The following CHRM1 variants were observed in gnomAD, a reference collection of about 807,000 sequenced individuals.
CHRM1 encodes muscarinic acetylcholine receptor M1.
A neutral mutation model predicts 31.6 loss-of-function variants in CHRM1; 5 were observed. That is an observed-to-expected ratio of 0.16 (90% CI 0.08 to 0.33). The LOEUF is 0.33. Among genes scored for constraint, CHRM1 ranks in the 10% least tolerant of loss-of-function variants. CHRM1 has a pLI of 1.00. For missense variants in CHRM1, 338 were observed against 610.3 expected, an observed-to-expected ratio of 0.55 and a Z score of 4.70; for synonymous variants, 227 against 249.7, an observed-to-expected ratio of 0.91 and a Z score of 0.86.
intron 1 of CHRM1, among the ~76,000 whole-genome samples, chr11:62,919,279 T>C (rs961777226): frequency 6.6e-6 from 1 of 152,180 alleles, no homozygotes; most frequent in Non-Finnish European, 1.5e-5. Context: ...ATTTATCACA[T>C]TTTTAAGGCT....
chr11:62,919,543 C>G (rs1273899306), intron 1 of CHRM1, among the ~76,000 whole-genome samples: 1 of 152,192 alleles, frequency 6.6e-6, no homozygotes, highest in African/African-American at 2.4e-5. Flanking sequence ...CCTCATCCTC[C>G]TCTCCGCAAG....
chr11:62,920,067 C>T (rs1004491884), intron 1 of CHRM1, among the ~76,000 whole-genome samples: 3 of 152,224 alleles, frequency 2.0e-5, no homozygotes, highest in Non-Finnish European at 4.4e-5. Context: ...CCTTTCATAT[C>T]TCAGCCGCGA....
chr11:62,919,104 TCTA>T (rs2085917002), intron 1 of CHRM1, among the ~76,000 whole-genome samples: 1 of 151,912 alleles, frequency 6.6e-6, no homozygotes, highest in African/African-American at 2.4e-5. Flanking sequence ...TCTGGCCAGG[TCTA>T]CTCACTGATC....
chr11:62,914,284 A>G (rs1242482082), intron 1 of CHRM1, among the ~76,000 whole-genome samples: 1 of 152,144 alleles, frequency 6.6e-6, no homozygotes, highest in African/African-American at 2.4e-5. Context: ...GAGACTGAGA[A>G]AAGCAAGGGA....
chr11:62,910,686 G>T lies in CHRM1; in HGVS notation c.415C>A (p.Pro139Thr), dbSNP rs149348258. The change falls in exon 2 of 2, where the codon CCC becomes ACC. Residue 139 changes from proline (P) to threonine (T), a missense_variant. By Grantham distance (38) the Pro-to-Thr change is conservative (BLOSUM62 -1). Transcript: ENST00000306960. The surrounding 1 kb of genome is among the most constrained non-coding windows in gnomAD (Gnocchi z 8.7). ...RPLSYRAKRT[P>T]RRAALMIGLA... ...CCGATCATCAGAGCTGCCCGGCGGG[G>T]TGTGCGCTTGGCACGGTAGCTCAGG... The T allele has an allele frequency of 6.2e-7, 1 of 1,614,156 alleles. No homozygotes were observed. The highest frequency in any genetic ancestry group is 8.5e-7 in the Non-Finnish European group (1 of 1,180,028).
At position 62,910,232 on chromosome 11, in the gene CHRM1, G is replaced by A. The variant is rs371062396; in HGVS notation, c.869C>T (p.Ser290Phe). ...GGAGCCAGGCTCCTCTCCCTCTGAG[G>A]ATGTGAGGGACTCCATGGAGCCTTC... ...EDEGSMESLT[S>F]SEGEEPGSEV... The change falls in exon 2 of 2, where the codon TCC (serine) becomes TTC (phenylalanine). Residue 290 changes from serine (S) to phenylalanine (F), a missense_variant. By Grantham distance (155) the Ser-to-Phe change is radical (BLOSUM62 -2). Coordinates refer to ENST00000306960, the MANE Select transcript of CHRM1 (RefSeq NM_000738.3). This position sits in a 1 kb window ranked among gnomAD's most constrained non-coding sequence, Gnocchi z 8.7. 16 of 1,611,950 alleles carry A rather than the reference G, an allele frequency of 9.9e-6. No homozygotes were observed. In the African/African-American group the frequency reaches 2.1e-4, roughly 22 times the overall value.
rs567685848 is a variant in CHRM1 at position 62,913,677 on chromosome 11, A to G, written c.-78-2499T>C. Among the ~76,000 whole-genome samples, 1,430 of 152,056 alleles carry G rather than the reference A, an allele frequency of 9.4e-3. 25 individuals carry two copies. Among genetic ancestry groups the G allele is most frequent in the African/African-American group, 0.032 (1,335 of 41,514 alleles). On this transcript the variant is annotated intron_variant, in intron 1 of 1. Transcript: ENST00000306960. ...CAAGAGTGAAACTCTGTCTCAAAAA[A>G]AAAAAAAAAAAGAAAAGAAATGTCT... is the stretch of plus-strand genomic sequence containing the variant.
intron 1 of CHRM1, among the ~76,000 whole-genome samples, chr11:62,915,590 A>C (rs571579726): frequency 1.3e-5 from 2 of 152,316 alleles, no homozygotes; most frequent in Admixed American, 6.5e-5. Flanking sequence ...TTTGCTCTGA[A>C]GCGAGTGCCT....
intron 1 of CHRM1, among the ~76,000 whole-genome samples, chr11:62,913,535 G>A (rs767148373): frequency 1.3e-5 from 2 of 152,176 alleles, no homozygotes; most frequent in Non-Finnish European, 1.5e-5. Context: ...GCCAGGGGTG[G>A]TGGTACATGG....
In CHRM1 at chr11:62,910,413, T is replaced by C. The variant is rs770505895; in HGVS notation, c.688A>G (p.Thr230Ala). The change falls in exon 2 of 2, where the codon ACG (threonine) becomes GCG (alanine). Residue 230 changes from threonine to alanine, a missense_variant. Physicochemically the swap from Thr to Ala is moderately conservative, Grantham distance 58. Around this residue, in one of 4 missense-constraint regions of CHRM1, gnomAD observed 183 missense variants for 223.4 expected, o/e 0.82. Transcript: ENST00000306960. This position sits in a 1 kb window ranked among gnomAD's most constrained non-coding sequence, Gnocchi z 8.7. ...CTGCTGCCACCCCCTTTGCCTGGCG[T>C]CTCGGAGCCCTGAAGGGCTGCCAGC... ...RELAALQGSE[T>A]PGKGGGSSSS... 6.2e-7 allele frequency: 1 copy of C among 1,612,578 alleles called. No homozygotes were observed. The highest frequency in any genetic ancestry group is 2.2e-5 in the East Asian group (1 of 44,878).
chr11:62,915,174 C>CAAA (rs34590771), intron 1 of CHRM1, among the ~76,000 whole-genome samples: 12 of 22,738 alleles, frequency 5.3e-4, no homozygotes, highest in Non-Finnish European at 6.0e-4. Context: ...GACCCTGTCT[C>CAAA]AAAAAAAAAA....
intron 1 of CHRM1, among the ~76,000 whole-genome samples, chr11:62,915,047 C>T (rs576629431): frequency 6.6e-6 from 1 of 152,044 alleles, no homozygotes; most frequent in African/African-American, 2.4e-5. Context: ...TGGTGGCGGG[C>T]ACCTATGGTC....
intron 1 of CHRM1, among the ~76,000 whole-genome samples, chr11:62,914,224 G>T (rs531793185): frequency 6.6e-6 from 1 of 152,202 alleles, no homozygotes; most frequent in East Asian, 1.9e-4. Context: ...GATTACAGGC[G>T]TGAGCCACCG....
chr11:62,911,978 A>C (rs118112787), intron 1 of CHRM1, among the ~76,000 whole-genome samples: 2 of 152,052 alleles, frequency 1.3e-5, no homozygotes, highest in Non-Finnish European at 2.9e-5. Context: ...GCGGGTTTAC[A>C]TACGTATGTA....
Position 62,914,011 on chromosome 11 carries a change from C to T in CHRM1, c.-78-2833G>A, listed in dbSNP as rs573288729. Among the ~76,000 whole-genome samples the T allele has an allele frequency of 2.6e-5, 4 of 151,660 alleles. No individual in the cohort carries two copies. The South Asian group carries it at 6.2e-4, about 24-fold the overall frequency. On this transcript the variant is annotated intron_variant, in intron 1 of 1. Transcript: ENST00000306960. The stretch of plus-strand genomic sequence containing the variant: ...AGGCTGGAGTGCAGTGGCACAATCT[C>T]GGCTCACTGCAACCTCCGCCTCCGG...
chr11:62,910,247 A>T lies in CHRM1; in HGVS notation c.854T>A (p.Met285Lys). 1 of 1,613,328 alleles carries T rather than the reference A, an allele frequency of 6.2e-7. No homozygotes were observed. The highest frequency in any genetic ancestry group is 2.2e-5 in the East Asian group (1 of 44,858). ...TCCCTCTGAGGATGTGAGGGACTCC[A>T]TGGAGCCTTCGTCCTCTTCCTCTTC... ...KEEEEEDEGS[M>K]ESLTSSEGEE... Residue 285 changes from methionine (M) to lysine (K), a missense_variant, in exon 2 of 2, where the codon ATG (methionine) becomes AAG (lysine). By Grantham distance (95) the Met-to-Lys change is moderately conservative. Around this residue, in one of 4 missense-constraint regions of CHRM1, gnomAD observed 183 missense variants for 223.4 expected, o/e 0.82. Transcript: ENST00000306960. This position sits in a 1 kb window ranked among gnomAD's most constrained non-coding sequence, Gnocchi z 8.7.
At chr11:62,911,450 G>A (rs1032441308) in intron 1 of CHRM1, among the ~76,000 whole-genome samples, 1 of 152,158 alleles carries the variant, frequency 6.6e-6, no homozygotes, top group Non-Finnish European at 1.5e-5. Context: ...TTCTTACTGG[G>A]AAATTACTAC....
intron 1 of CHRM1, among the ~76,000 whole-genome samples, chr11:62,919,928 G>A (rs1037586898): frequency 6.6e-6 from 1 of 152,182 alleles, no homozygotes; most frequent in South Asian, 2.1e-4. Flanking sequence ...CATGACCTCT[G>A]GTTAGCCCCT....
rs561364616 is a variant in CHRM1 at position 62,915,592 on chromosome 11, C to T, written c.-78-4414G>A. On this transcript the variant is annotated intron_variant, in intron 1 of 1. Coordinates refer to ENST00000306960, the MANE Select transcript of CHRM1 (RefSeq NM_000738.3). The stretch of plus-strand genomic sequence containing the variant: ...CCCCCTCTTAAATTTTGCTCTGAAG[C>T]GAGTGCCTTGCTTGATTCACCCTAG... Among the ~76,000 whole-genome samples, 21 of 152,252 alleles carry T rather than the reference C, an allele frequency of 1.4e-4. 1 individual carries two copies. In the South Asian group the frequency reaches 3.3e-3, roughly 24 times the overall value.
Sources: gnomAD v4.1 joint callset for allele counts (sites outside exome capture counted in the v4.1 genomes callset) on GRCh38, gnomAD v4.1.1 for gene constraint, gnomAD v4.1.1 regional missense constraint, Gnocchi (gnomAD v3.1) non-coding constraint, MANE v1.5 for transcripts, NCBI Gene and HGNC (gene_info 2026-07-23, HGNC 2026-07-21) for gene names.